The following NETO2 variants were observed in gnomAD, a reference collection of about 807,000 sequenced individuals.
NETO2 encodes neuropilin and tolloid like 2.
Under a neutral mutation model 62.5 loss-of-function variants are expected in NETO2, and 28 were observed. The ratio of observed to expected loss-of-function variants is 0.45; its 90% CI spans 0.33 to 0.61. NETO2 has a LOEUF of 0.61. Among genes scored for constraint, NETO2 ranks in the 20% least tolerant of loss-of-function variants. The probability of loss-of-function intolerance (pLI) is 0.02; values close to 1 mark genes in which losing one functional copy is unlikely to be tolerated. For synonymous variants in NETO2, 214 were observed against 219.1 expected (o/e 0.98, Z 0.21); for missense variants, 548 against 643.2 (o/e 0.85, Z 1.60).
At chr16:47,096,052 C>T (rs1963421645) in intron 7 of NETO2, among the ~76,000 whole-genome samples, 1 of 152,044 alleles carries the variant, frequency 6.6e-6, no homozygotes, top group Non-Finnish European at 1.5e-5. Flanking sequence ...CACACTCTTA[C>T]ACAACTTTTA....
intron 1 of NETO2, among the ~76,000 whole-genome samples, chr16:47,133,377 A>C (rs1036582025): frequency 3.3e-5 from 5 of 150,244 alleles, no homozygotes; most frequent in African/African-American, 1.2e-4. Flanking sequence ...GGAGTTCCAG[A>C]GGCCCTGTCT....
In NETO2 at chr16:47,142,339, G is replaced by T. The variant is rs141711467; in HGVS notation, c.34+1240C>A. ...CAAGCTGTAGATACGTTTACAGTGG[G>T]GTAGTTAAACGTTTCGAATTACTGA... On this transcript the variant is annotated intron_variant, in intron 1 of 8. Coordinates refer to ENST00000562435, the MANE Select transcript of NETO2 (RefSeq NM_018092.5). Among the ~76,000 whole-genome samples the T allele has an allele frequency of 9.9e-4, 151 of 152,280 alleles. 1 individual carries two copies. The highest frequency in any genetic ancestry group is 6.8e-3 in the Middle Eastern group (2 of 294).
rs1963107848 is a variant in NETO2, at chr16:47,083,270, A to T, written c.1529T>A (p.Val510Asp). 1 of 1,613,830 alleles carries T rather than the reference A, an allele frequency of 6.2e-7. No homozygotes were observed. Among genetic ancestry groups the T allele is most frequent in the African/African-American group, 1.3e-5 (1 of 74,922 alleles). ...TTGTGCAGAATCTTCTCGCCCCCTG[A>T]CATAAATTTCACAGGGAATCTCCTC... ...VMEEIPCEIY[V>D]RGREDSAQAS... The change falls in exon 9 of 9, where the codon GTC becomes GAC. Residue 510 changes from valine to aspartate, a missense_variant. Val to Asp is a radical substitution (Grantham distance 152). Transcript: ENST00000562435.
rs902364550 is a variant in NETO2, at chr16:47,143,877, A to G, written c.-265T>C. 2.4e-5 allele frequency: 6 copies of G among 253,668 alleles called. No individual in the cohort carries two copies. The highest frequency in any genetic ancestry group is 9.2e-5 in the African/African-American group (4 of 43,440). 15.7% of individuals were successfully genotyped at this position (253,668 alleles called of 1,614,324 possible). A position where few individuals can be genotyped will look rare whatever the true frequency, so the allele number is the denominator to read the frequency against. On this transcript the variant is annotated 5_prime_UTR_variant, in exon 1 of 9. Transcript: ENST00000562435. ...CCCATCGACCGCCCGAGGGCCGAGGAGTGCGGACGCGCGGCGCGGGACCGG... is the reference window on the plus strand; with the variant it reads ...CCCATCGACCGCCCGAGGGCCGAGGGGTGCGGACGCGCGGCGCGGGACCGG...
intron 6 of NETO2, among the ~76,000 whole-genome samples, chr16:47,121,544 A>G (rs1471853696): frequency 1.3e-5 from 2 of 152,140 alleles, no homozygotes; most frequent in East Asian, 3.8e-4. Flanking sequence ...CTCCAACCCC[A>G]CCCTGAGACT....
At chr16:47,109,997 T>C (rs546313824) in intron 6 of NETO2, among the ~76,000 whole-genome samples, 1 of 152,346 alleles carries the variant, frequency 6.6e-6, no homozygotes, top group African/African-American at 2.4e-5. Flanking sequence ...TTTCTCATTA[T>C]AAAAGCAATC....
chr16:47,103,629 A>G (rs1315415644), intron 7 of NETO2, among the ~76,000 whole-genome samples: 2 of 152,136 alleles, frequency 1.3e-5, no homozygotes, highest in African/African-American at 4.8e-5. Context: ...TAATATAAAA[A>G]TCCTCAAGAA....
At chr16:47,133,126 C>A (rs1329161455) in intron 1 of NETO2, among the ~76,000 whole-genome samples, 1 of 152,070 alleles carries the variant, frequency 6.6e-6, no homozygotes, top group Non-Finnish European at 1.5e-5. Context: ...CGGAGTTTAA[C>A]AGGAGATATG....
At chr16:47,090,529 C>T (rs372572650) in intron 7 of NETO2, among the ~76,000 whole-genome samples, 1 of 152,100 alleles carries the variant, frequency 6.6e-6, no homozygotes. Context: ...AACTCTCTAC[C>T]TATTGCTGTT....
intron 7 of NETO2, 55 bp from the exon 8 acceptor site, chr16:47,086,394 T>C (rs1963190892): frequency 5.2e-6 from 6 of 1,148,072 alleles, no homozygotes; most frequent in Non-Finnish European, 7.9e-6. Context: ...TGATTTTATT[T>C]CATACATAAC....
chr16:47,120,891 AT>A (rs922484238), intron 6 of NETO2, among the ~76,000 whole-genome samples: 18 of 149,048 alleles, frequency 1.2e-4, no homozygotes, highest in Non-Finnish European at 2.4e-4. Flanking sequence ...AGTTCTTGAA[AT>A]TTTTTTTTTC....
intron 7 of NETO2, among the ~76,000 whole-genome samples, chr16:47,091,675 G>A (rs1410292063): frequency 6.6e-6 from 1 of 152,122 alleles, no homozygotes; most frequent in African/African-American, 2.4e-5. Context: ...CCTAGACTTT[G>A]CATAAAAGAT....
In NETO2 at chr16:47,138,936, G is replaced by A. The variant is rs1001992433; in HGVS notation, c.34+4643C>T. 3.3e-5 allele frequency among the ~76,000 whole-genome samples: 5 copies of A among 152,142 alleles called. No homozygotes were observed. In the South Asian group the frequency reaches 6.2e-4, roughly 19 times the overall value. On this transcript the variant is annotated intron_variant, in intron 1 of 8. Transcript: ENST00000562435. ...TGCCTCAGGAACCAGCTGTGCCTTC[G>A]GCCTAGAATCTCTTTGGCTGATTCC...
rs1266835896 is a variant in NETO2 at position 47,078,838 on chromosome 16, T to C, written c.*4383A>G. The C allele has an allele frequency of 6.6e-6, 1 of 152,166 alleles. No individual in the cohort carries two copies. The highest frequency in any genetic ancestry group is 1.9e-4 in the East Asian group (1 of 5,192). 9.4% of individuals were successfully genotyped at this position (152,166 alleles called of 1,614,324 possible). ...AAGAATTCACGGTGCCAAGGAATCA[T>C]GGCAGCAAAACTGTAGAACACAATG... is the stretch of plus-strand genomic sequence containing the variant. On this transcript the variant is annotated 3_prime_UTR_variant, in exon 9 of 9. Coordinates refer to ENST00000562435, the MANE Select transcript of NETO2 (RefSeq NM_018092.5).
At chr16:47,089,134 A>G (rs1371768303) in intron 7 of NETO2, among the ~76,000 whole-genome samples, 4 of 152,142 alleles carry the variant, frequency 2.6e-5, no homozygotes, top group African/African-American at 4.8e-5. Context: ...CTTTCTCTAT[A>G]TACAGTTCAA....
chr16:47,087,863 CCA>C (rs1363077518), intron 7 of NETO2, among the ~76,000 whole-genome samples: 1 of 152,076 alleles, frequency 6.6e-6, no homozygotes, highest in Non-Finnish European at 1.5e-5. Context: ...CTATCACACT[CCA>C]CATACTCCTC....
At chr16:47,100,923 A>G (rs1362851838) in intron 7 of NETO2, among the ~76,000 whole-genome samples, 2 of 152,218 alleles carry the variant, frequency 1.3e-5, no homozygotes, top group Admixed American at 6.5e-5. Flanking sequence ...AAACAACAGA[A>G]AAGAGGGACT....
At chr16:47,141,985 C>T (rs967122254) in intron 1 of NETO2, among the ~76,000 whole-genome samples, 6 of 152,166 alleles carry the variant, frequency 3.9e-5, no homozygotes, top group Non-Finnish European at 8.8e-5. Context: ...GCAGGTAAAG[C>T]GGTGTGACAG....
intron 7 of NETO2, among the ~76,000 whole-genome samples, chr16:47,096,381 C>A (rs1963428178): frequency 6.6e-6 from 1 of 152,058 alleles, no homozygotes; most frequent in Non-Finnish European, 1.5e-5. Flanking sequence ...TTGGACAGAT[C>A]AACAAGACTG....
Sources: allele counts gnomAD v4.1 joint callset (sites outside exome capture counted in the v4.1 genomes callset), GRCh38; gene constraint gnomAD v4.1.1; transcripts MANE v1.5; gene names NCBI Gene and HGNC (gene_info 2026-07-23, HGNC 2026-07-21).